The following MSRB3 variants were observed in gnomAD, a reference collection of about 807,000 sequenced individuals.
MSRB3 encodes the protein methionine sulfoxide reductase B3.
A neutral mutation model predicts 21.0 loss-of-function variants in MSRB3; 13 were observed. The observed-to-expected ratio is 0.62, with a 90% CI of 0.40 to 0.98. The LOEUF (loss-of-function observed/expected upper bound fraction) is 0.98. Among genes scored for constraint, MSRB3 ranks in the 50% least tolerant of loss-of-function variants. The probability of loss-of-function intolerance (pLI) is 0.00; values close to 1 mark genes in which losing one functional copy is unlikely to be tolerated. For synonymous variants in MSRB3, 87 were observed against 88.6 expected (o/e 0.98, Z 0.10); for missense variants, 199 against 230.3 (o/e 0.86, Z 0.88).
At chr12:65,391,968 G>A (rs572595937) in intron 5 of MSRB3, among the ~76,000 whole-genome samples, 2 of 152,100 alleles carry the variant, frequency 1.3e-5, no homozygotes, top group Non-Finnish European at 2.9e-5. Context: ...ACTCTCAAGG[G>A]CCTGCCTGAT....
At chr12:65,317,654 T>C (rs1027485906) in intron 2 of MSRB3, among the ~76,000 whole-genome samples, 1 of 152,168 alleles carries the variant, frequency 6.6e-6, no homozygotes, top group South Asian at 2.1e-4. Context: ...AATCAAATAT[T>C]AGTTATAATA....
intron 4 of MSRB3, among the ~76,000 whole-genome samples, chr12:65,343,903 G>A (rs1184987091): frequency 6.6e-6 from 1 of 152,034 alleles, no homozygotes; most frequent in Non-Finnish European, 1.5e-5. Context: ...GGATTTTAAA[G>A]TGGAAAAAGC....
At chr12:65,347,803 G>A (rs867105591) in intron 4 of MSRB3, among the ~76,000 whole-genome samples, 3 of 152,268 alleles carry the variant, frequency 2.0e-5, no homozygotes, top group Middle Eastern at 3.4e-3. Context: ...GAAGGTTGTT[G>A]AATTTTCTCA....
chr12:65,379,530 C>A (rs1221135359), intron 5 of MSRB3, among the ~76,000 whole-genome samples: 3 of 152,036 alleles, frequency 2.0e-5, no homozygotes, highest in African/African-American at 7.2e-5. Flanking sequence ...CAGTCAGTCC[C>A]CACTCATCAG....
At chr12:65,429,636 G>A (rs1881781987) in intron 5 of MSRB3, among the ~76,000 whole-genome samples, 3 of 152,178 alleles carry the variant, frequency 2.0e-5, no homozygotes, top group African/African-American at 7.2e-5. Flanking sequence ...TGGGCCCACT[G>A]CAATAAGAGT....
At chr12:65,441,690 T>C (rs922409923) in intron 5 of MSRB3, among the ~76,000 whole-genome samples, 8 of 151,956 alleles carry the variant, frequency 5.3e-5, no homozygotes, top group African/African-American at 1.7e-4. Context: ...TAGAAAGTGA[T>C]ACATATGTGA....
At chr12:65,366,275 T>G (rs1878009299) in intron 4 of MSRB3, among the ~76,000 whole-genome samples, 1 of 152,132 alleles carries the variant, frequency 6.6e-6, no homozygotes, top group African/African-American at 2.4e-5. Context: ...GCTCTTTCAT[T>G]CAGCTGACAA....
intron 5 of MSRB3, among the ~76,000 whole-genome samples, chr12:65,390,902 AG>A (rs1268431113): frequency 6.6e-6 from 1 of 152,180 alleles, no homozygotes; most frequent in Admixed American, 6.5e-5. Context: ...GAAATATAAA[AG>A]GTATATATAT....
At chr12:65,370,460 G>T (rs1363510642) in intron 5 of MSRB3, among the ~76,000 whole-genome samples, 2 of 152,206 alleles carry the variant, frequency 1.3e-5, no homozygotes, top group African/African-American at 4.8e-5. Flanking sequence ...TGGTTTTAGG[G>T]TACAGGGTCT....
chr12:65,395,019 T>C (rs1879699953), intron 5 of MSRB3, among the ~76,000 whole-genome samples: 1 of 152,120 alleles, frequency 6.6e-6, no homozygotes, highest in African/African-American at 2.4e-5. Flanking sequence ...TCACCATTTC[T>C]GTTCAGCATT....
chr12:65,313,484 C>T (rs890746117), intron 2 of MSRB3, among the ~76,000 whole-genome samples: 7 of 151,388 alleles, frequency 4.6e-5, no homozygotes, highest in Non-Finnish European at 1.0e-4. Context: ...CCTTCTTTTC[C>T]AGAAAAGACA....
intron 2 of MSRB3, among the ~76,000 whole-genome samples, chr12:65,313,239 T>C (rs1270055133): frequency 3.3e-5 from 5 of 152,124 alleles, no homozygotes; most frequent in Non-Finnish European, 7.4e-5. Context: ...TCTCCATTTG[T>C]AAAGAGGAAA....
At chr12:65,400,107 C>T (rs1374561145) in intron 5 of MSRB3, among the ~76,000 whole-genome samples, 1 of 152,146 alleles carries the variant, frequency 6.6e-6, no homozygotes, top group Non-Finnish European at 1.5e-5. Context: ...GAGGATGATG[C>T]TGGCCTCATA....
chr12:65,322,140 T>C (rs1009282466), intron 2 of MSRB3, among the ~76,000 whole-genome samples: 2 of 152,200 alleles, frequency 1.3e-5, no homozygotes, highest in African/African-American at 4.8e-5. Flanking sequence ...CAACGTTTCA[T>C]AGACTTTGTG....
At chr12:65,386,546 C>T (rs1879203780) in intron 5 of MSRB3, among the ~76,000 whole-genome samples, 1 of 151,910 alleles carries the variant, frequency 6.6e-6, no homozygotes, top group African/African-American at 2.4e-5. Context: ...TAAAAATACA[C>T]TTAAACAAAT....
At chr12:65,415,682 T>C (rs907393204) in intron 5 of MSRB3, among the ~76,000 whole-genome samples, 3 of 152,200 alleles carry the variant, frequency 2.0e-5, no homozygotes. Context: ...TGGTAAAATA[T>C]AAGGTTGTAT....
At chr12:65,427,830 G>A (rs1881678474) in intron 5 of MSRB3, among the ~76,000 whole-genome samples, 1 of 152,234 alleles carries the variant, frequency 6.6e-6, no homozygotes, top group South Asian at 2.1e-4. Flanking sequence ...TGGCTGAGCT[G>A]GTGCCTGGAG....
At position 65,463,580 on chromosome 12, in the gene MSRB3, C is replaced by T. The variant is rs963717755; in HGVS notation, c.*258C>T. The T allele has an allele frequency of 2.4e-5, 11 of 454,404 alleles. No individual in the cohort carries two copies. Among genetic ancestry groups the T allele is most frequent in the Non-Finnish European group, 3.6e-5 (9 of 252,270 alleles). 28.1% of individuals were successfully genotyped at this position (454,404 alleles called of 1,614,324 possible). On this transcript the variant is annotated 3_prime_UTR_variant, in exon 7 of 7. Coordinates refer to ENST00000308259, the MANE Select transcript of MSRB3 (RefSeq NM_001031679.3). Reference sequence around the variant, plus strand: ...TTCACAAGCCACTTATACCCTTTGGCATTCTTTTCTTTGAGCACATGGCTT... The same window carrying T: ...TTCACAAGCCACTTATACCCTTTGGTATTCTTTTCTTTGAGCACATGGCTT...
chr12:65,321,694 T>C (rs1874675807), intron 2 of MSRB3, among the ~76,000 whole-genome samples: 1 of 152,182 alleles, frequency 6.6e-6, no homozygotes. Context: ...TTATATTTTA[T>C]TCTAAAAAAT....
Sources: allele counts gnomAD v4.1 joint callset (sites outside exome capture counted in the v4.1 genomes callset), GRCh38; gene constraint gnomAD v4.1.1; transcripts MANE v1.5; gene names NCBI Gene and HGNC (gene_info 2026-07-23, HGNC 2026-07-21).